ATF6: variants seen among roughly 807,000 people sequenced by gnomAD.
ATF6 encodes the protein cyclic AMP-dependent transcription factor ATF-6 alpha.
A neutral mutation model predicts 83.6 loss-of-function variants in ATF6; 53 were observed. The observed-to-expected ratio is 0.63, with a 90% CI of 0.51 to 0.80. The LOEUF (loss-of-function observed/expected upper bound fraction) is 0.80. ATF6 is among the 30% of genes least tolerant of loss of function. The pLI is 0.00. For synonymous variants in ATF6, 288 were observed against 285.8 expected, an observed-to-expected ratio of 1.01 and a Z score of -0.08; for missense variants, 744 against 797.9, an observed-to-expected ratio of 0.93 and a Z score of 0.81.
intron 9 of ATF6, among the ~76,000 whole-genome samples, chr1:161,836,599 G>A (rs1686223279): frequency 6.6e-6 from 1 of 152,162 alleles, no homozygotes; most frequent in Admixed American, 6.5e-5. Flanking sequence ...AAAGTAATTG[G>A]TTCTCTTTTC....
chr1:161,774,755 A>T (rs1407538145), intron 1 of ATF6, among the ~76,000 whole-genome samples: 5 of 152,172 alleles, frequency 3.3e-5, no homozygotes, highest in African/African-American at 1.2e-4. Flanking sequence ...CAATTCAAAG[A>T]CACCATTCAA....
At chr1:161,948,424 A>G (rs1688798050) in intron 15 of ATF6, among the ~76,000 whole-genome samples, 1 of 152,240 alleles carries the variant, frequency 6.6e-6, no homozygotes, top group South Asian at 2.1e-4. Flanking sequence ...AGTCATTTAT[A>G]AGAATTGTTT....
intron 9 of ATF6, among the ~76,000 whole-genome samples, chr1:161,836,436 A>G (rs1421210660): frequency 6.6e-6 from 1 of 152,214 alleles, no homozygotes; most frequent in Non-Finnish European, 1.5e-5. Context: ...TACTTTCCAC[A>G]TTTATCAAAG....
Position 161,860,286 on chromosome 1 carries a change from G to A in ATF6, c.1604+9G>A, listed in dbSNP as rs369105004. 5.2e-6 allele frequency: 8 copies of A among 1,524,676 alleles called. No individual in the cohort carries two copies. The highest frequency in any genetic ancestry group is 6.2e-6 in the Non-Finnish European group (7 of 1,136,108). 94.4% of individuals were successfully genotyped at this position (1,524,676 alleles called of 1,614,324 possible). A position where few individuals can be genotyped will look rare whatever the true frequency, so the allele number is the denominator to read the frequency against. ...ACCACTAGTAGTATCAGGTAAGACA[G>A]TGCAGAAGCTCTTGGCCAAGGAATT... On this transcript the variant is annotated intron_variant, in intron 13 of 15. Transcript: ENST00000367942.
chr1:161,806,099 G>A (rs1186144098), intron 7 of ATF6, among the ~76,000 whole-genome samples: 1 of 152,146 alleles, frequency 6.6e-6, no homozygotes, highest in African/African-American at 2.4e-5. Flanking sequence ...AAGAAATATG[G>A]TTTGTTTTTG....
intron 10 of ATF6, among the ~76,000 whole-genome samples, chr1:161,851,298 A>G (rs1686622098): frequency 6.6e-6 from 1 of 151,230 alleles, no homozygotes; most frequent in African/African-American, 2.4e-5. Flanking sequence ...TACAGATACT[A>G]TCCAATTTTA....
At position 161,917,709 on chromosome 1, in the gene ATF6, C is replaced by T. The variant is rs138581936; in HGVS notation, c.1804+5329C>T. Among the ~76,000 whole-genome samples, 773 of 152,268 alleles carry T rather than the reference C, an allele frequency of 5.1e-3. 5 individuals are homozygous for T. The highest frequency in any genetic ancestry group is 0.017 in the African/African-American group (719 of 41,542). On this transcript the variant is annotated intron_variant, in intron 15 of 15. Coordinates refer to ENST00000367942, the MANE Select transcript of ATF6 (RefSeq NM_007348.4). ...TGCTGGGATTACAGGCGTGAGCCAC[C>T]GCGCCCGGCCTTTATACACAATTTT...
intron 14 of ATF6, among the ~76,000 whole-genome samples, chr1:161,890,532 G>A (rs1295727793): frequency 1.3e-5 from 2 of 152,214 alleles, no homozygotes; most frequent in Non-Finnish European, 2.9e-5. Context: ...TCTTCACAAT[G>A]CTTTCTTAAA....
chr1:161,940,888 C>T (rs1354228751), intron 15 of ATF6, among the ~76,000 whole-genome samples: 2 of 152,092 alleles, frequency 1.3e-5, no homozygotes. Context: ...CATCTCTCCA[C>T]CTCCCCAGGC....
intron 10 of ATF6, among the ~76,000 whole-genome samples, chr1:161,848,055 C>G (rs1156804264): frequency 1.3e-5 from 2 of 151,446 alleles, no homozygotes; most frequent in Non-Finnish European, 2.9e-5. Flanking sequence ...GCTATTTTTT[C>G]CCTCCCTTCT....
intron 14 of ATF6, among the ~76,000 whole-genome samples, chr1:161,866,058 T>C (rs1302927995): frequency 1.3e-5 from 2 of 152,204 alleles, no homozygotes; most frequent in Non-Finnish European, 2.9e-5. Flanking sequence ...TGTAGACTTT[T>C]TCTCCCACTT....
chr1:161,950,778 A>T (rs984823877), intron 15 of ATF6, among the ~76,000 whole-genome samples: 1 of 152,156 alleles, frequency 6.6e-6, no homozygotes, highest in South Asian at 2.1e-4. Flanking sequence ...TCTGTTTTTG[A>T]GGCACTAATT....
intron 11 of ATF6, 117 bp downstream of exon 11, chr1:161,851,952 G>A (rs935889238): frequency 4.0e-6 from 3 of 744,480 alleles, no homozygotes; most frequent in East Asian, 5.1e-5. Context: ...TGAATTATTT[G>A]TGGATAACTG....
intron 15 of ATF6, among the ~76,000 whole-genome samples, chr1:161,944,917 C>T (rs1047884363): frequency 6.6e-6 from 1 of 152,112 alleles, no homozygotes; most frequent in Non-Finnish European, 1.5e-5. Flanking sequence ...ATTGGTTATC[C>T]AGCTCTATAC....
At position 161,892,660 on chromosome 1, in the gene ATF6, C is replaced by T. The variant is rs111697192; in HGVS notation, c.1720-19636C>T. ...TTTTTTTTTTTTTGAGATGGAGTCG[C>T]GCTCTGTCATCCAGGCTGGAGTGTG... is the stretch of plus-strand genomic sequence containing the variant. On this transcript the variant is annotated intron_variant, in intron 14 of 15. Transcript: ENST00000367942. Among the ~76,000 whole-genome samples the T allele has an allele frequency of 8.5e-3, 1,166 of 137,102 alleles. 16 individuals carry two copies. The highest frequency in any genetic ancestry group is 0.031 in the African/African-American group (1,113 of 36,120). The allele number at this position is 137,102 out of a possible 152,430, so 89.9% of individuals were successfully genotyped here.
intron 6 of ATF6, among the ~76,000 whole-genome samples, chr1:161,798,275 C>T (rs1685066855): frequency 6.6e-6 from 1 of 152,114 alleles, no homozygotes; most frequent in Admixed American, 6.6e-5. Flanking sequence ...ATGAAGACTC[C>T]AAAAGCAATC....
chr1:161,912,056 C>T (rs564472849), intron 14 of ATF6, among the ~76,000 whole-genome samples: 1 of 152,206 alleles, frequency 6.6e-6, no homozygotes, highest in South Asian at 2.1e-4. Context: ...TTGTAAAAAC[C>T]TAGGAGTTTT....
chr1:161,866,270 T>C (rs147772854), intron 14 of ATF6, among the ~76,000 whole-genome samples: 55 of 152,320 alleles, frequency 3.6e-4, no homozygotes, highest in Non-Finnish European at 6.5e-4. Context: ...GAAGTAGCCA[T>C]TGACTGTTTC....
intron 9 of ATF6, among the ~76,000 whole-genome samples, chr1:161,838,297 C>T (rs764225807): frequency 2.6e-4 from 40 of 152,186 alleles, no homozygotes; most frequent in Non-Finnish European, 4.1e-4. Context: ...AACACTGACT[C>T]AGTGATGTCA....
Sources: allele counts gnomAD v4.1 joint callset (sites outside exome capture counted in the v4.1 genomes callset), GRCh38; gene constraint gnomAD v4.1.1; transcripts MANE v1.5; gene names NCBI Gene and HGNC (gene_info 2026-07-23, HGNC 2026-07-21).